The following AKAP13 variants were observed in gnomAD, a reference collection of about 807,000 sequenced individuals.
AKAP13 encodes the protein A-kinase anchoring protein 13, also known as A-kinase anchor protein 13.
A neutral mutation model predicts 264.5 loss-of-function variants in AKAP13; 80 were observed. The observed-to-expected ratio is 0.30, with a 90% CI of 0.25 to 0.36. The LOEUF (loss-of-function observed/expected upper bound fraction) is 0.36. Among genes scored for constraint, AKAP13 ranks in the 10% least tolerant of loss-of-function variants. AKAP13 has a pLI of 1.00. For synonymous variants in AKAP13, 1,380 were observed against 1,250.2 expected (o/e 1.10, Z -2.19); for missense variants, 3,712 against 3,435.2 (o/e 1.08, Z -2.01).
intron 1 of AKAP13, among the ~76,000 whole-genome samples, chr15:85,477,956 G>A (rs7180213): frequency 0.51 from 77,254 of 151,880 alleles, 20,165 homozygotes; most frequent in Middle Eastern, 0.61. Flanking sequence ...CATATCTGGC[G>A]CGTGCTGTTC....
At position 85,616,058 on chromosome 15, in the gene AKAP13, A is replaced by G. The variant is rs78193286; in HGVS notation, c.4162-23316A>G. ...GAGTCATTAACCAGTGTCCATTCAC[A>G]TGCTGCTACTTTATGTTCACTTTGG... On this transcript the variant is annotated intron_variant, in intron 8 of 36. Coordinates refer to ENST00000394518, the MANE Select transcript of AKAP13 (RefSeq NM_007200.5). Among the ~76,000 whole-genome samples, 569 of 152,350 alleles carry G rather than the reference A, an allele frequency of 3.7e-3. 4 individuals carry two copies. The highest frequency in any genetic ancestry group is 0.013 in the African/African-American group (538 of 41,574).
Position 85,580,826 on chromosome 15 carries a change from A to G in AKAP13, c.2758A>G (p.Ser920Gly). 1.5e-5 allele frequency: 24 copies of G among 1,614,106 alleles called. No homozygotes were observed. The highest frequency in any genetic ancestry group is 1.9e-5 in the Non-Finnish European group (23 of 1,180,030). Reference sequence around the variant, plus strand: ...AGGAAAACTTCTGGTGGTTTCAGAAAGCTCTGCAGCTCAGGAACAAGATAA... The same window carrying G: ...AGGAAAACTTCTGGTGGTTTCAGAAGGCTCTGCAGCTCAGGAACAAGATAA... ...EEGKLLVVSE[S>G]SAAQEQDKDK... Residue 920 changes from serine (S) to glycine (G), a missense_variant, in exon 7 of 37, where the codon AGC becomes GGC. By Grantham distance (56) the Ser-to-Gly change is moderately conservative. Coordinates refer to ENST00000394518, the MANE Select transcript of AKAP13 (RefSeq NM_007200.5).
intron 1 of AKAP13, among the ~76,000 whole-genome samples, chr15:85,454,781 G>T (rs1401985518): frequency 6.6e-6 from 1 of 152,130 alleles, no homozygotes; most frequent in Non-Finnish European, 1.5e-5. Flanking sequence ...CATCACCCCA[G>T]AACGAGACTT....
intron 1 of AKAP13, among the ~76,000 whole-genome samples, chr15:85,448,058 G>A (rs1330734052): frequency 1.3e-5 from 2 of 152,050 alleles, no homozygotes; most frequent in Non-Finnish European, 2.9e-5. Context: ...TTTAATAATA[G>A]CCATTCTGAG....
At chr15:85,584,180 G>C (rs1358467882) in intron 7 of AKAP13, among the ~76,000 whole-genome samples, 1 of 152,188 alleles carries the variant, frequency 6.6e-6, no homozygotes, top group Non-Finnish European at 1.5e-5. Context: ...AGAAGACATA[G>C]GTTTAACTGC....
At chr15:85,576,865 C>G (rs2079032184) in intron 6 of AKAP13, among the ~76,000 whole-genome samples, 1 of 152,158 alleles carries the variant, frequency 6.6e-6, no homozygotes, top group Admixed American at 6.5e-5. Flanking sequence ...ACCAAAGCTA[C>G]CTGCCAAGAT....
At chr15:85,453,942 C>G (rs754268996) in intron 1 of AKAP13, among the ~76,000 whole-genome samples, 43 of 152,198 alleles carry the variant, frequency 2.8e-4, no homozygotes, top group Non-Finnish European at 1.8e-4. Context: ...GCTGGGGCAT[C>G]CCTTCTGTTC....
rs746697621 is a variant in AKAP13 at position 85,730,599 on chromosome 15, C to A, written c.7174C>A (p.Pro2392Thr). Residue 2392 changes from proline to threonine, a missense_variant, in exon 30 of 37, where the codon CCT becomes ACT. Around this residue, in one of 3 missense-constraint regions of AKAP13, gnomAD observed 611 missense variants for 539.3 expected, o/e 1.13. Transcript: ENST00000394518. ...IFRDMAECSTPLPEDCSPTHS... is the reference protein window; with the variant it reads ...IFRDMAECSTTLPEDCSPTHS... ...CCGGGACATGGCTGAGTGCAGCACC[C>A]CTCTCCCAGAGGATTGCTCCCCAAC... is the stretch of plus-strand genomic sequence containing the variant. The A allele has an allele frequency of 6.2e-7, 1 of 1,614,140 alleles. No homozygotes were observed. The highest frequency in any genetic ancestry group is 8.5e-7 in the Non-Finnish European group (1 of 1,180,014).
chr15:85,439,320 A>G (rs2073504372), intron 1 of AKAP13, among the ~76,000 whole-genome samples: 1 of 148,448 alleles, frequency 6.7e-6, no homozygotes, highest in Admixed American at 6.7e-5. Flanking sequence ...TCAGGAAACA[A>G]CAGGTGCTGG....
intron 1 of AKAP13, among the ~76,000 whole-genome samples, chr15:85,478,621 A>G (rs1031030295): frequency 9.2e-5 from 14 of 151,982 alleles, no homozygotes; most frequent in Admixed American, 5.9e-4. Flanking sequence ...TTAATTTGCT[A>G]TGTTCTTTTG....
chr15:85,599,073 G>T, intron 8 of AKAP13, among the ~76,000 whole-genome samples: 1 of 152,216 alleles, frequency 6.6e-6, no homozygotes, highest in East Asian at 1.9e-4. Context: ...GGGAAATAGA[G>T]CTCTGGCCCT....
At chr15:85,630,170 C>T (rs959364883) in intron 8 of AKAP13, among the ~76,000 whole-genome samples, 5,242 of 62,480 alleles carry the variant, frequency 0.084, 123 homozygotes, top group Non-Finnish European at 0.12. Context: ...AACACATACA[C>T]ACACACACAC....
chr15:85,606,089 A>ATTTTTTTTTTTTT (rs2080310521), intron 8 of AKAP13, among the ~76,000 whole-genome samples: 1 of 57,568 alleles, frequency 1.7e-5, no homozygotes, highest in Non-Finnish European at 3.6e-5. Flanking sequence ...GGTTTGATCT[A>ATTTTTTTTTTTTT]CTTTTTTTTT....
chr15:85,382,605 C>A (rs114782862), intron 1 of AKAP13, among the ~76,000 whole-genome samples: 2 of 152,298 alleles, frequency 1.3e-5, no homozygotes, highest in African/African-American at 4.8e-5. Context: ...CTTTCCTTCT[C>A]TGGGCGGTGA....
chr15:85,582,057 A>G lies in AKAP13; in HGVS notation c.3989A>G (p.Glu1330Gly), dbSNP rs781461759. The G allele has an allele frequency of 3.7e-6, 6 of 1,613,500 alleles. No homozygotes were observed. The African/African-American group carries it at 6.7e-5, about 18-fold the overall frequency. ...CTTGCAGGATGTTTTGCTGGAAGGG[A>G]GGAGCCAGAGAAGATCATTTTACCT... ...GSLAGCFAGR[E>G]EPEKIILPVQ... Residue 1330 changes from glutamate (E) to glycine (G), a missense_variant, in exon 7 of 37, where the codon GAG (glutamate) becomes GGG (glycine). Physicochemically the swap from Glu to Gly is moderately conservative, Grantham distance 98. Transcript: ENST00000394518.
intron 1 of AKAP13, among the ~76,000 whole-genome samples, chr15:85,405,236 C>G (rs2071607536): frequency 6.6e-6 from 1 of 152,142 alleles, no homozygotes. Flanking sequence ...AACTTATACT[C>G]TGGTTTCTCT....
At position 85,718,113 on chromosome 15, in the gene AKAP13, A is replaced by G; in HGVS notation, c.5955A>G (p.Leu1985=). The change falls in exon 22 of 37, where the codon CTA becomes CTG. Residue 1985 remains leucine (L), a synonymous_variant. Transcript: ENST00000394518. The surrounding 1 kb of genome is among the most constrained non-coding windows in gnomAD (Gnocchi z 4.9). ...SWSRIIDSKF[L]KQQKKDVVKR... ...GTCGGATAATAGACAGCAAGTTTCT[A>G]AAACAGCAAAAGAAAGATGTGGTCA... The G allele has an allele frequency of 4.3e-6, 7 of 1,614,196 alleles. No homozygotes were observed. The highest frequency in any genetic ancestry group is 4.2e-6 in the Non-Finnish European group (5 of 1,180,018).
chr15:85,722,221 C>T lies in AKAP13; in HGVS notation c.6379-9C>T. 1.9e-6 allele frequency: 3 copies of T among 1,612,062 alleles called. No homozygotes were observed. Among genetic ancestry groups the T allele is most frequent in the Non-Finnish European group, 2.5e-6 (3 of 1,178,920 alleles). ...TGTGATTCCTCACAGTCTGTTTACT[C>T]CCTTGCAGAAGAAGATGAGCAGTTC... On this transcript the variant is annotated splice_polypyrimidine_tract_variant and intron_variant, in intron 24 of 36. Coordinates refer to ENST00000394518, the MANE Select transcript of AKAP13 (RefSeq NM_007200.5).
At chr15:85,590,777 A>G (rs2079549145) in intron 8 of AKAP13, among the ~76,000 whole-genome samples, 1 of 152,164 alleles carries the variant, frequency 6.6e-6, no homozygotes, top group Non-Finnish European at 1.5e-5. Context: ...CTCCACCTGT[A>G]TGCTTTACTG....
Sources: allele counts gnomAD v4.1 joint callset (sites outside exome capture counted in the v4.1 genomes callset), GRCh38; gene constraint gnomAD v4.1.1; regional missense constraint gnomAD v4.1.1; non-coding constraint Gnocchi (gnomAD v3.1); transcripts MANE v1.5; gene names NCBI Gene and HGNC (gene_info 2026-07-23, HGNC 2026-07-21).